The following ASAP1 variants were observed in gnomAD, a reference collection of about 807,000 sequenced individuals.
ASAP1 encodes the protein ArfGAP with SH3 domain, ankyrin repeat and PH domain 1.
A neutral mutation model predicts 145.2 loss-of-function variants in ASAP1; 43 were observed. The ratio of observed to expected loss-of-function variants is 0.30; its 90% CI spans 0.23 to 0.38. The LOEUF is 0.38. Among genes scored for constraint, ASAP1 ranks in the 10% least tolerant of loss-of-function variants. ASAP1 has a pLI of 1.00. For missense variants in ASAP1, 1,018 were observed against 1,355.3 expected, an observed-to-expected ratio of 0.75 and a Z score of 3.91; for synonymous variants, 546 against 515.5, an observed-to-expected ratio of 1.06 and a Z score of -0.80.
chr8:130,167,641 T>C lies in ASAP1; in HGVS notation c.823-19A>G. 1 of 1,550,358 alleles carries C rather than the reference T, an allele frequency of 6.5e-7. No homozygotes were observed. Among genetic ancestry groups the C allele is most frequent in the South Asian group, 1.1e-5 (1 of 89,472 alleles). ...GTTTTATCTATGAAAAAAAAATTAC[T>C]TCTATTACTTACCATTTACACTTTC... On this transcript the variant is annotated intron_variant, in intron 10 of 29. Transcript: ENST00000518721.
chr8:130,146,463 A>G (rs2097630749), intron 13 of ASAP1, among the ~76,000 whole-genome samples: 1 of 152,116 alleles, frequency 6.6e-6, no homozygotes, highest in Admixed American at 6.5e-5. Context: ...CCCTCTTACA[A>G]CTGACAGTGC....
chr8:130,428,401 C>A (rs1356873096), intron 1 of ASAP1, among the ~76,000 whole-genome samples: 3 of 149,756 alleles, frequency 2.0e-5, no homozygotes, highest in Non-Finnish European at 4.4e-5. Flanking sequence ...AGGCCAAATG[C>A]CAAATCACCA....
chr8:130,093,686 A>AAAAAAAAAAAAAAAAAG (rs767063471), intron 24 of ASAP1, among the ~76,000 whole-genome samples: 19 of 131,984 alleles, frequency 1.4e-4, no homozygotes, highest in African/African-American at 2.0e-4. Context: ...AAAAAAAAAA[A>AAAAAAAAAAAAAAAAAG]AAAGAAAGCT....
At chr8:130,102,737 G>C (rs983217347) in intron 24 of ASAP1, among the ~76,000 whole-genome samples, 3 of 152,190 alleles carry the variant, frequency 2.0e-5, no homozygotes, top group Non-Finnish European at 2.9e-5. Flanking sequence ...CCAGGCTGGA[G>C]TGCAGTGGTG....
intron 3 of ASAP1, among the ~76,000 whole-genome samples, chr8:130,299,659 T>C (rs1010988495): frequency 1.3e-5 from 2 of 149,156 alleles, no homozygotes; most frequent in African/African-American, 5.0e-5. Context: ...TAAGGAAAAA[T>C]GCAAAATAAT....
intron 3 of ASAP1, among the ~76,000 whole-genome samples, chr8:130,300,638 T>C (rs1413527638): frequency 6.6e-6 from 1 of 152,236 alleles, no homozygotes; most frequent in East Asian, 1.9e-4. Flanking sequence ...CTTAGGCTAA[T>C]AGTTCTCAAC....
intron 12 of ASAP1, among the ~76,000 whole-genome samples, chr8:130,154,096 A>G (rs569229043): frequency 6.6e-6 from 1 of 152,296 alleles, no homozygotes; most frequent in East Asian, 1.9e-4. Flanking sequence ...CGAGGGGTGA[A>G]CTGCCTCGGG....
At chr8:130,160,679 A>T (rs977753599) in intron 11 of ASAP1, 1 of 673,338 alleles carries the variant, frequency 1.5e-6, no homozygotes, top group South Asian at 1.7e-5. Context: ...CCATTACATT[A>T]CGAAAATGTA....
chr8:130,084,466 T>C (rs1284873053), intron 25 of ASAP1: 1 of 152,238 alleles, frequency 6.6e-6, no homozygotes, highest in East Asian at 1.9e-4. Flanking sequence ...AGATACCTCC[T>C]GGGCAGGCAA....
intron 24 of ASAP1, among the ~76,000 whole-genome samples, chr8:130,098,875 G>A (rs1164064261): frequency 6.6e-6 from 1 of 151,962 alleles, no homozygotes; most frequent in Middle Eastern, 3.2e-3. Flanking sequence ...CAGAACACAG[G>A]AACTTATCCT....
At chr8:130,364,549 A>C (rs1826862001) in intron 2 of ASAP1, among the ~76,000 whole-genome samples, 1 of 152,202 alleles carries the variant, frequency 6.6e-6, no homozygotes, top group Non-Finnish European at 1.5e-5. Flanking sequence ...ATCAAAGACA[A>C]TGGATGAGTC....
chr8:130,128,172 C>G, intron 15 of ASAP1, 82 bp from the exon 16 acceptor site: 1 of 413,360 alleles, frequency 2.4e-6, no homozygotes, highest in Non-Finnish European at 3.0e-6. Context: ...TTTGCCACTG[C>G]AAAAAAAAAA....
At chr8:130,255,662 T>C (rs1197094903) in intron 3 of ASAP1, among the ~76,000 whole-genome samples, 1 of 152,178 alleles carries the variant, frequency 6.6e-6, no homozygotes, top group Non-Finnish European at 1.5e-5. Flanking sequence ...AAAAATAATT[T>C]TAAGTTGTGT....
intron 5 of ASAP1, among the ~76,000 whole-genome samples, chr8:130,201,630 A>G (rs1815876728): frequency 6.6e-6 from 1 of 152,224 alleles, no homozygotes; most frequent in Admixed American, 6.5e-5. Flanking sequence ...GCTAGGATTT[A>G]TAAGACCAAG....
intron 11 of ASAP1, chr8:130,160,935 A>G: frequency 4.2e-6 from 2 of 471,178 alleles, no homozygotes; most frequent in African/African-American, 2.1e-5. Flanking sequence ...TAATACCAGA[A>G]AACACATACA....
At chr8:130,147,662 T>G (rs945134341) in intron 13 of ASAP1, among the ~76,000 whole-genome samples, 4 of 152,222 alleles carry the variant, frequency 2.6e-5, no homozygotes, top group Non-Finnish European at 4.4e-5. Flanking sequence ...GTTAAGTAGC[T>G]TAATAAAAGG....
At position 130,112,121 on chromosome 8, in the gene ASAP1, G is replaced by A. The variant is rs931722772; in HGVS notation, c.2374C>T (p.Pro792Ser). Residue 792 changes from proline to serine, a missense_variant, in exon 24 of 30, where the codon CCT (proline) becomes TCT (serine). Physicochemically the swap from Pro to Ser is moderately conservative, Grantham distance 74 (BLOSUM62 -1). Transcript: ENST00000518721. ...TTCCCGGCGTTCCTAGGAGGCAGAG[G>A]GGGAGCCTCCGTGGTTGGTGATGTG... Reference protein sequence around the residue: ...SPTSPTTEAPPLPPRNAGKGP... With the variant: ...SPTSPTTEAPSLPPRNAGKGP... 1.2e-6 allele frequency: 2 copies of A among 1,614,120 alleles called. No individual in the cohort carries two copies. Among genetic ancestry groups the A allele is most frequent in the African/African-American group, 1.3e-5 (1 of 75,044 alleles).
chr8:130,417,312 G>A (rs868613114), intron 1 of ASAP1, among the ~76,000 whole-genome samples: 1 of 152,250 alleles, frequency 6.6e-6, no homozygotes, highest in African/African-American at 2.4e-5. Context: ...ACTATGTGCC[G>A]CAGCAGCAGG....
intron 3 of ASAP1, among the ~76,000 whole-genome samples, chr8:130,244,191 G>C (rs999788420): frequency 3.3e-5 from 5 of 152,146 alleles, no homozygotes; most frequent in African/African-American, 1.2e-4. Flanking sequence ...GAAGCTGACT[G>C]AATGAACAAG....
Sources: allele counts gnomAD v4.1 joint callset (sites outside exome capture counted in the v4.1 genomes callset), GRCh38; gene constraint gnomAD v4.1.1; transcripts MANE v1.5; gene names NCBI Gene and HGNC (gene_info 2026-07-23, HGNC 2026-07-21).